Variants in XPNPEP3 observed in about 807,000 individuals in gnomAD.
XPNPEP3 encodes xaa-Pro aminopeptidase 3.
Under a neutral mutation model 60.0 loss-of-function variants are expected in XPNPEP3, and 41 were observed. That is an observed-to-expected ratio of 0.68 (90% CI 0.53 to 0.89). The LOEUF is 0.89. Ranked by LOEUF, XPNPEP3 falls within the 40% of genes least tolerant of loss-of-function variation. The probability of loss-of-function intolerance (pLI) is 0.00; values close to 1 mark genes in which losing one functional copy is unlikely to be tolerated. For synonymous variants in XPNPEP3, 212 were observed against 223.2 expected (o/e 0.95, Z 0.45); for missense variants, 598 against 638.9 (o/e 0.94, Z 0.69).
In XPNPEP3 at chr22:40,926,873, G is replaced by T; in HGVS notation, c.*438G>T. The stretch of plus-strand genomic sequence containing the variant: ...GCCTGTATTTTTAGCTAATTACCAA[G>T]GTCTCTGCCTATGCAAAAATTCATC... On this transcript the variant is annotated 3_prime_UTR_variant, in exon 10 of 10. Transcript: ENST00000357137. 4.0e-6 allele frequency: 1 copy of T among 247,710 alleles called. No individual in the cohort carries two copies. 15.3% of individuals were successfully genotyped at this position (247,710 alleles called of 1,614,324 possible).
At chr22:40,890,585 GGC>G (rs1314287322) in intron 4 of XPNPEP3, among the ~76,000 whole-genome samples, 9 of 152,022 alleles carry the variant, frequency 5.9e-5, no homozygotes, top group African/African-American at 2.2e-4. Context: ...CAAATAAGAT[GGC>G]TGGATGCAGT....
chr22:40,905,769 C>G (rs577732418), intron 4 of XPNPEP3, among the ~76,000 whole-genome samples: 1 of 152,058 alleles, frequency 6.6e-6, no homozygotes. Flanking sequence ...CAATGCCGTT[C>G]AACCTCATAC....
intron 7 of XPNPEP3, among the ~76,000 whole-genome samples, chr22:40,918,396 G>A (rs2058204209): frequency 6.6e-6 from 1 of 152,112 alleles, no homozygotes; most frequent in East Asian, 1.9e-4. Flanking sequence ...GTTAGGCCAG[G>A]TGCAGTGGCT....
intron 7 of XPNPEP3, among the ~76,000 whole-genome samples, chr22:40,919,198 G>A (rs2058207344): frequency 6.6e-6 from 1 of 152,102 alleles, no homozygotes; most frequent in South Asian, 2.1e-4. Context: ...CTGTAGATTG[G>A]AGACAGCAGA....
intron 1 of XPNPEP3, chr22:40,862,570 AGG>A: frequency 1.0e-6 from 1 of 985,472 alleles, no homozygotes. Context: ...TTATGATGAG[AGG>A]AAGTACTGGA....
At chr22:40,909,594 G>A (rs1027963113) in intron 6 of XPNPEP3, among the ~76,000 whole-genome samples, 1 of 151,924 alleles carries the variant, frequency 6.6e-6, no homozygotes, top group East Asian at 1.9e-4. Flanking sequence ...GTGAAACCAT[G>A]TCTCTACTAA....
At chr22:40,903,877 CA>C in intron 4 of XPNPEP3, among the ~76,000 whole-genome samples, 1 of 6,610 alleles carries the variant, frequency 1.5e-4, no homozygotes, top group East Asian at 4.3e-3. Context: ...CTCTCTGTCA[CA>C]CACACACACA....
At position 40,914,152 on chromosome 22, in the gene XPNPEP3, A is replaced by G. The variant is rs1054326317; in HGVS notation, c.970-87A>G. ...AGTGAAACTCCGTCTCAGAAAAAAA[A>G]AAAAAAAAGAAAGGCATACTTTGGA... is the stretch of plus-strand genomic sequence containing the variant. On this transcript the variant is annotated intron_variant, in intron 6 of 9. Transcript: ENST00000357137. The G allele has an allele frequency of 3.8e-4, 463 of 1,224,600 alleles. 4 individuals are homozygous for G. Among genetic ancestry groups the G allele is most frequent in the Middle Eastern group, 2.0e-4 (1 of 4,908 alleles). The allele number at this position is 1,224,600 out of a possible 1,614,324, so 75.9% of individuals were successfully genotyped here.
In XPNPEP3 at chr22:40,886,112, A is replaced by G. The variant is rs2073121; in HGVS notation, c.590-201A>G. Among the ~76,000 whole-genome samples, 79 of 152,292 alleles carry G rather than the reference A, an allele frequency of 5.2e-4. 1 individual carries two copies. The East Asian group carries it at 0.011, about 22-fold the overall frequency. On this transcript the variant is annotated intron_variant, in intron 3 of 9. Transcript: ENST00000357137. ...ATATTCAGTCTTAGAATATCTTGCC[A>G]TTTCCAGGGAATGACCTTTCTAATG...
At chr22:40,899,921 G>A (rs964569855) in intron 4 of XPNPEP3, among the ~76,000 whole-genome samples, 1 of 150,540 alleles carries the variant, frequency 6.6e-6, no homozygotes, top group Non-Finnish European at 1.5e-5. Context: ...CTGTAATCCC[G>A]AATACTCGGG....
At chr22:40,857,304 T>A in intron 1 of XPNPEP3, 59 bp downstream of exon 1, 1 of 1,591,248 alleles carries the variant, frequency 6.3e-7, no homozygotes, top group Non-Finnish European at 8.6e-7. Context: ...CCCAAGTTGG[T>A]CTCAGGCGAT....
At chr22:40,858,709 T>C (rs2057921781) in intron 1 of XPNPEP3, among the ~76,000 whole-genome samples, 1 of 151,972 alleles carries the variant, frequency 6.6e-6, no homozygotes, top group African/African-American at 2.4e-5. Context: ...TTTATGTGTT[T>C]TTAGTAGAGA....
At position 40,929,665 on chromosome 22, in the gene XPNPEP3, C is replaced by T. The variant is rs1179547210; in HGVS notation, c.*3230C>T. On this transcript the variant is annotated 3_prime_UTR_variant, in exon 10 of 10. Transcript: ENST00000357137. ...CTTCTGGTGATTTTCAGTCCCTGAC[C>T]CAGGTATATTGTCCTTTGAGTCCCA... 1 of 152,096 alleles carries T rather than the reference C, an allele frequency of 6.6e-6. No homozygotes were observed. Among genetic ancestry groups the T allele is most frequent in the Non-Finnish European group, 1.5e-5 (1 of 68,026 alleles). 9.4% of individuals were successfully genotyped at this position (152,096 alleles called of 1,614,324 possible). A position where few individuals can be genotyped will look rare whatever the true frequency, so the allele number is the denominator to read the frequency against.
chr22:40,873,917 A>G (rs1452925549), intron 2 of XPNPEP3, among the ~76,000 whole-genome samples: 4 of 152,212 alleles, frequency 2.6e-5, no homozygotes, highest in Non-Finnish European at 5.9e-5. Flanking sequence ...TATAGATAAT[A>G]ATCCCCAAAT....
intron 7 of XPNPEP3, chr22:40,917,147 C>T (rs1341053200): frequency 1.3e-5 from 2 of 152,428 alleles, no homozygotes; most frequent in African/African-American, 2.4e-5. Context: ...GTCTCAGCTA[C>T]TCAGGAGGCT....
rs1458753868 is a variant in XPNPEP3 at position 40,911,457 on chromosome 22, T to TC, written c.969+2223dup. Among the ~76,000 whole-genome samples, 4 of 152,028 alleles carry TC rather than the reference T, an allele frequency of 2.6e-5. No homozygotes were observed. The East Asian group carries it at 7.7e-4, about 29-fold the overall frequency. On this transcript the variant is annotated intron_variant, in intron 6 of 9. Coordinates refer to ENST00000357137, the MANE Select transcript of XPNPEP3 (RefSeq NM_022098.4). ...AAAATTTGGTAAACACGTGTAGAAC[T>TC]CTTTGGGCCTGATATTTTCCTTCGT...
chr22:40,922,255 T>C (rs2058219189), intron 7 of XPNPEP3, 78 bp from the exon 8 acceptor site: 5 of 1,572,604 alleles, frequency 3.2e-6, no homozygotes. Context: ...CTTGGGGTTT[T>C]TCTAATCAAA....
intron 4 of XPNPEP3, among the ~76,000 whole-genome samples, chr22:40,902,575 G>A (rs1188752916): frequency 2.0e-5 from 3 of 151,772 alleles, no homozygotes; most frequent in African/African-American, 7.3e-5. Flanking sequence ...AGCAGAGACG[G>A]GGTTTCACCA....
intron 4 of XPNPEP3, among the ~76,000 whole-genome samples, chr22:40,899,307 A>G (rs1473448124): frequency 1.3e-5 from 2 of 152,204 alleles, no homozygotes; most frequent in Admixed American, 6.6e-5. Context: ...TTCTGAGCTT[A>G]CTTTCAGCCA....
Sources: gnomAD v4.1 joint callset for allele counts (sites outside exome capture counted in the v4.1 genomes callset) on GRCh38, gnomAD v4.1.1 for gene constraint, MANE v1.5 for transcripts, NCBI Gene and HGNC (gene_info 2026-07-23, HGNC 2026-07-21) for gene names.